FBXW7: variants seen among roughly 807,000 people sequenced by gnomAD.
FBXW7 encodes the protein F-box/WD repeat-containing protein 7.
A neutral mutation model predicts 86.3 loss-of-function variants in FBXW7; 11 were observed. The observed-to-expected ratio is 0.13, with a 90% CI of 0.08 to 0.21. The LOEUF is 0.21. Among genes scored for constraint, FBXW7 ranks in the 10% least tolerant of loss-of-function variants. FBXW7 has a pLI of 1.00. For synonymous variants in FBXW7, 313 were observed against 297.9 expected (o/e 1.05, Z -0.52); for missense variants, 488 against 847.4 (o/e 0.58, Z 5.27).
At chr4:152,479,656 A>T (rs562457705) in intron 2 of FBXW7, among the ~76,000 whole-genome samples, 2 of 152,274 alleles carry the variant, frequency 1.3e-5, no homozygotes, top group Admixed American at 1.3e-4. Context: ...TGGATTGTAG[A>T]TAAACATTAG....
At chr4:152,403,629 T>C (rs1057166807) in intron 4 of FBXW7, among the ~76,000 whole-genome samples, 2 of 152,132 alleles carry the variant, frequency 1.3e-5, no homozygotes, top group Non-Finnish European at 2.9e-5. Flanking sequence ...TCACCACGCA[T>C]TAGACTCTCG....
In FBXW7 at chr4:152,535,458, C is replaced by G. The variant is rs1236915999; in HGVS notation, c.-544G>C. The G allele has an allele frequency of 7.6e-6, 3 of 392,502 alleles. No homozygotes were observed. Among genetic ancestry groups the G allele is most frequent in the Non-Finnish European group, 9.0e-6 (2 of 222,606 alleles). The allele number at this position is 392,502 out of a possible 1,614,324, so 24.3% of individuals were successfully genotyped here. ...CGTCGGTCCTGTTCTCTCCGCCGCC[C>G]CAGCCGCCGCTTCACATCGGGGTCC... On this transcript the variant is annotated 5_prime_UTR_variant, in exon 1 of 14. Transcript: ENST00000281708.
Position 152,454,056 on chromosome 4 carries a change from A to G in FBXW7, c.-119-41527T>C, listed in dbSNP as rs1327819040. 2.0e-5 allele frequency among the ~76,000 whole-genome samples: 3 copies of G among 152,190 alleles called. No homozygotes were observed. The East Asian group carries it at 5.8e-4, about 29-fold the overall frequency. On this transcript the variant is annotated intron_variant, in intron 2 of 13. Transcript: ENST00000281708. ...TTTGGCCACTGCCTTTCATACTCAC[A>G]AAGTCACTATACACATTCAAAATAA...
At chr4:152,418,475 G>A (rs999433535) in intron 2 of FBXW7, among the ~76,000 whole-genome samples, 12 of 152,102 alleles carry the variant, frequency 7.9e-5, no homozygotes, top group African/African-American at 2.7e-4. Context: ...CAAGTCTCAA[G>A]TCTTACTGGA....
chr4:152,421,721 A>G (rs1738959521), intron 2 of FBXW7, among the ~76,000 whole-genome samples: 1 of 152,150 alleles, frequency 6.6e-6, no homozygotes, highest in Non-Finnish European at 1.5e-5. Flanking sequence ...TTGAACACTT[A>G]GAAGCCACTG....
intron 4 of FBXW7, chr4:152,352,419 G>A (rs758853236): frequency 6.2e-7 from 1 of 1,604,064 alleles, no homozygotes; most frequent in South Asian, 1.1e-5. Context: ...TCCTTCTCAG[G>A]CAGGCATACA....
intron 2 of FBXW7, among the ~76,000 whole-genome samples, chr4:152,417,153 T>C (rs1370762518): frequency 6.6e-6 from 1 of 152,096 alleles, no homozygotes; most frequent in Non-Finnish European, 1.5e-5. Context: ...CCCCATACTA[T>C]TATCTCCAGT....
chr4:152,352,230 T>G (rs1298825311), intron 4 of FBXW7, among the ~76,000 whole-genome samples: 7 of 152,212 alleles, frequency 4.6e-5, no homozygotes, highest in African/African-American at 1.7e-4. Context: ...AAAGTCTCAA[T>G]GTATTTTTAG....
At chr4:152,530,684 G>C (rs1326860628) in intron 2 of FBXW7, 2 of 152,194 alleles carry the variant, frequency 1.3e-5, no homozygotes, top group Non-Finnish European at 2.9e-5. Context: ...AGAAAACAAA[G>C]ACCACCAAAA....
At chr4:152,430,192 G>A (rs547445181) in intron 2 of FBXW7, among the ~76,000 whole-genome samples, 1 of 152,168 alleles carries the variant, frequency 6.6e-6, no homozygotes, top group Non-Finnish European at 1.5e-5. Context: ...TGAGTTTAGT[G>A]GTAAAATCCT....
At chr4:152,402,580 A>C (rs1737045784) in intron 4 of FBXW7, among the ~76,000 whole-genome samples, 2 of 152,252 alleles carry the variant, frequency 1.3e-5, no homozygotes, top group African/African-American at 4.8e-5. Flanking sequence ...ATAAGATCTG[A>C]GTTCCAATCC....
chr4:152,411,260 T>C (rs370769264), intron 4 of FBXW7, 43 bp downstream of exon 4: 49 of 1,505,126 alleles, frequency 3.3e-5, no homozygotes, highest in Non-Finnish European at 4.2e-5. Flanking sequence ...TTAAAATAGA[T>C]ATGTAAAGTT....
intron 2 of FBXW7, among the ~76,000 whole-genome samples, chr4:152,513,291 G>C (rs1309250774): frequency 6.6e-6 from 1 of 152,144 alleles, no homozygotes; most frequent in African/African-American, 2.4e-5. Context: ...GATATGCAAA[G>C]AGATCGCAGA....
intron 4 of FBXW7, among the ~76,000 whole-genome samples, chr4:152,392,087 G>C (rs1186840656): frequency 6.6e-6 from 1 of 152,002 alleles, no homozygotes; most frequent in African/African-American, 2.4e-5. Context: ...AAAGAAACAG[G>C]AATAACATCA....
intron 2 of FBXW7, among the ~76,000 whole-genome samples, chr4:152,454,263 T>C (rs866445176): frequency 0.021 from 1,772 of 86,268 alleles, 23 homozygotes; most frequent in African/African-American, 0.063. Flanking sequence ...CCCCCCCCCC[T>C]TTTTTTTTTT....
intron 4 of FBXW7, among the ~76,000 whole-genome samples, chr4:152,358,921 C>T (rs780794342): frequency 2.0e-5 from 3 of 151,952 alleles, no homozygotes; most frequent in Non-Finnish European, 4.4e-5. Flanking sequence ...GTCTCTGGTC[C>T]CAAGATCAAT....
chr4:152,345,504 T>G (rs1052947540), intron 6 of FBXW7, among the ~76,000 whole-genome samples: 5 of 152,100 alleles, frequency 3.3e-5, no homozygotes, highest in African/African-American at 1.2e-4. Context: ...GGCATGGAGA[T>G]CGTCCTTTGT....
chr4:152,480,905 A>C (rs2149669177), intron 2 of FBXW7, among the ~76,000 whole-genome samples: 1 of 152,334 alleles, frequency 6.6e-6, no homozygotes, highest in East Asian at 1.9e-4. Flanking sequence ...TAAAAGTACA[A>C]GATGAAGCAG....
intron 2 of FBXW7, among the ~76,000 whole-genome samples, chr4:152,484,650 G>A (rs1481450023): frequency 6.6e-6 from 1 of 152,120 alleles, no homozygotes; most frequent in Non-Finnish European, 1.5e-5. Flanking sequence ...ATTTTCCTCA[G>A]AACACAACAT....
Sources: gnomAD v4.1 joint callset for allele counts (sites outside exome capture counted in the v4.1 genomes callset) on GRCh38, gnomAD v4.1.1 for gene constraint, MANE v1.5 for transcripts, NCBI Gene and HGNC (gene_info 2026-07-23, HGNC 2026-07-21) for gene names.